ROBO1: variants seen among roughly 807,000 people sequenced by gnomAD.
ROBO1 encodes roundabout homolog 1.
In ROBO1, 149 loss-of-function variants were observed where a neutral mutation model predicts 195.9. The observed-to-expected ratio is 0.76, with a 90% CI of 0.67 to 0.87. The LOEUF is 0.87. ROBO1 is among the 40% of genes least tolerant of loss of function. The pLI, the probability that ROBO1 is intolerant of heterozygous loss-of-function variation, is 0.00. For synonymous variants in ROBO1, 816 were observed against 733.2 expected (o/e 1.11, Z -1.82); for missense variants, 1,933 against 2,068.3 (o/e 0.93, Z 1.27).
intron 2 of ROBO1, among the ~76,000 whole-genome samples, chr3:79,316,703 C>G (rs1209791388): frequency 6.6e-6 from 1 of 151,972 alleles, no homozygotes; most frequent in East Asian, 1.9e-4. Flanking sequence ...ATATAAATGT[C>G]AGATAGTACC....
intron 2 of ROBO1, among the ~76,000 whole-genome samples, chr3:79,470,225 C>T (rs1938194935): frequency 6.6e-6 from 1 of 152,100 alleles, no homozygotes; most frequent in Non-Finnish European, 1.5e-5. Flanking sequence ...GAATACTATG[C>T]AGCCATAAAA....
intron 2 of ROBO1, among the ~76,000 whole-genome samples, chr3:79,384,942 G>A (rs916955997): frequency 1.3e-5 from 2 of 151,944 alleles, no homozygotes; most frequent in African/African-American, 2.4e-5. Flanking sequence ...TTTCTTACAC[G>A]GGAAGGATGA....
intron 4 of ROBO1, 39 bp downstream of exon 4, chr3:78,938,562 C>CA (rs754747162): frequency 1.2e-5 from 18 of 1,543,796 alleles, no homozygotes; most frequent in Non-Finnish European, 1.6e-5. Flanking sequence ...GCCACTCTGC[C>CA]ACTCCCTCTG....
chr3:79,197,444 G>T (rs911597170), intron 2 of ROBO1, among the ~76,000 whole-genome samples: 4 of 152,014 alleles, frequency 2.6e-5, no homozygotes, highest in African/African-American at 9.7e-5. Context: ...ATCATTAATG[G>T]ACATTTTGAT....
chr3:79,670,267 A>G (rs189759500), intron 1 of ROBO1, among the ~76,000 whole-genome samples: 2 of 152,052 alleles, frequency 1.3e-5, no homozygotes, highest in East Asian at 3.9e-4. Flanking sequence ...AAATTTTCAC[A>G]AAGATGTGCA....
At chr3:79,352,458 C>A (rs2035380771) in intron 2 of ROBO1, among the ~76,000 whole-genome samples, 1 of 152,192 alleles carries the variant, frequency 6.6e-6, no homozygotes, top group African/African-American at 2.4e-5. Flanking sequence ...ATTGGCTTAA[C>A]ACCGTCAACT....
At chr3:79,188,736 A>G (rs1247617872) in intron 2 of ROBO1, among the ~76,000 whole-genome samples, 1 of 151,738 alleles carries the variant, frequency 6.6e-6, no homozygotes, top group Non-Finnish European at 1.5e-5. Context: ...GAGAGCAGAG[A>G]TCTTGTCTGC....
At chr3:79,718,595 C>T (rs1702580022) in intron 1 of ROBO1, among the ~76,000 whole-genome samples, 1 of 151,820 alleles carries the variant, frequency 6.6e-6, no homozygotes, top group African/African-American at 2.4e-5. Flanking sequence ...TTATTTGTCT[C>T]CCCCATACTG....
At chr3:78,822,283 G>A (rs1206122167) in intron 4 of ROBO1, among the ~76,000 whole-genome samples, 1 of 152,052 alleles carries the variant, frequency 6.6e-6, no homozygotes, top group Non-Finnish European at 1.5e-5. Context: ...TGTGTGGGGT[G>A]GACTAGTATC....
chr3:79,655,137 A>G (rs1370311169), intron 1 of ROBO1, among the ~76,000 whole-genome samples: 1 of 152,062 alleles, frequency 6.6e-6, no homozygotes, highest in Non-Finnish European at 1.5e-5. Context: ...TTACTTTAAA[A>G]TATGAATAAG....
At chr3:79,674,871 T>C (rs2106928587) in intron 1 of ROBO1, among the ~76,000 whole-genome samples, 1 of 151,430 alleles carries the variant, frequency 6.6e-6, no homozygotes, top group Non-Finnish European at 1.5e-5. Flanking sequence ...TGTGTGTATT[T>C]ACAGAAATAA....
At chr3:79,160,208 T>A (rs2080931509) in intron 2 of ROBO1, among the ~76,000 whole-genome samples, 1 of 151,688 alleles carries the variant, frequency 6.6e-6, no homozygotes, top group African/African-American at 2.4e-5. Flanking sequence ...GTTCACAATA[T>A]TATTCTGTTC....
At chr3:78,911,903 C>T (rs930822202) in intron 4 of ROBO1, among the ~76,000 whole-genome samples, 8 of 151,930 alleles carry the variant, frequency 5.3e-5, no homozygotes, top group African/African-American at 1.9e-4. Context: ...TATTTTGATT[C>T]CAATACATGT....
intron 29 of ROBO1, among the ~76,000 whole-genome samples, chr3:78,602,292 C>G (rs1183202337): frequency 6.6e-6 from 1 of 151,032 alleles, no homozygotes; most frequent in Admixed American, 6.6e-5. Context: ...CCATCCCACT[C>G]TCTCTCTCTC....
chr3:78,823,938 A>G (rs886961093), intron 4 of ROBO1, among the ~76,000 whole-genome samples: 12 of 152,102 alleles, frequency 7.9e-5, no homozygotes, highest in African/African-American at 2.9e-4. Context: ...TACCTTATGA[A>G]TAAATGAGTA....
At chr3:79,325,400 C>T (rs1028426342) in intron 2 of ROBO1, among the ~76,000 whole-genome samples, 1 of 152,058 alleles carries the variant, frequency 6.6e-6, no homozygotes, top group Admixed American at 6.5e-5. Context: ...TATGATGAAC[C>T]ATGTAAATGA....
At chr3:78,899,583 T>C (rs988539562) in intron 4 of ROBO1, among the ~76,000 whole-genome samples, 1 of 152,132 alleles carries the variant, frequency 6.6e-6, no homozygotes, top group African/African-American at 2.4e-5. Flanking sequence ...CAACCATAAA[T>C]ATGGCATTGC....
chr3:79,326,344 G>GTT (rs902073119), intron 2 of ROBO1, among the ~76,000 whole-genome samples: 25 of 152,220 alleles, frequency 1.6e-4, no homozygotes, highest in African/African-American at 6.0e-4. Flanking sequence ...AAACTTGCTG[G>GTT]TTTTGCAGCT....
At chr3:78,804,717 T>G (rs2084477132) in intron 4 of ROBO1, among the ~76,000 whole-genome samples, 1 of 105,156 alleles carries the variant, frequency 9.5e-6, no homozygotes, top group South Asian at 3.4e-4. Flanking sequence ...TTGAGTCAAC[T>G]CACTGGAGCA....
Sources: gnomAD v4.1 joint callset for allele counts (sites outside exome capture counted in the v4.1 genomes callset) on GRCh38, gnomAD v4.1.1 for gene constraint, MANE v1.5 for transcripts, NCBI Gene and HGNC (gene_info 2026-07-23, HGNC 2026-07-21) for gene names.